RERE: variants seen among roughly 807,000 people sequenced by gnomAD.
RERE encodes arginine-glutamic acid dipeptide repeats.
Under a neutral mutation model 146.1 loss-of-function variants are expected in RERE, and 40 were observed. The observed-to-expected ratio is 0.27, with a 90% CI of 0.21 to 0.36. The LOEUF is 0.36. Among genes scored for constraint, RERE ranks in the 10% least tolerant of loss-of-function variants. The pLI is 1.00. For synonymous variants in RERE, 1,003 were observed against 866.0 expected (o/e 1.16, Z -2.78); for missense variants, 1,933 against 2,138.7 (o/e 0.90, Z 1.90).
Position 8,530,384 on chromosome 1 carries a change from T to A in RERE, c.830+10830A>T, listed in dbSNP as rs531199887. Reference sequence around the variant, plus strand: ...ATTATGTACCTCTATCAAAGGTAAGTAAAAGCTGTAACATGAAAATTGCCT... The same window carrying A: ...ATTATGTACCTCTATCAAAGGTAAGAAAAAGCTGTAACATGAAAATTGCCT... On this transcript the variant is annotated intron_variant, in intron 7 of 22. Transcript: ENST00000400908. 2.0e-5 allele frequency among the ~76,000 whole-genome samples: 3 copies of A among 152,294 alleles called. No individual in the cohort carries two copies. The East Asian group carries it at 5.8e-4, about 29-fold the overall frequency.
rs548047132 is a variant in RERE, at chr1:8,546,091, G to A, written c.726-4773C>T. 4.2e-5 allele frequency among the ~76,000 whole-genome samples: 6 copies of A among 141,540 alleles called. No individual in the cohort carries two copies. In the East Asian group the frequency reaches 6.7e-4, roughly 16 times the overall value. 92.9% of individuals were successfully genotyped at this position (141,540 alleles called of 152,430 possible). On this transcript the variant is annotated intron_variant, in intron 6 of 22. Transcript: ENST00000400908. Reference sequence around the variant, plus strand: ...TGAAGACTCAACTTCCCAGGCTCACGTGATTCTTCCAGCTCAGCCTTCCCG... The same window carrying A: ...TGAAGACTCAACTTCCCAGGCTCACATGATTCTTCCAGCTCAGCCTTCCCG...
chr1:8,405,187 T>A (rs1301190933), intron 12 of RERE, among the ~76,000 whole-genome samples: 1 of 152,072 alleles, frequency 6.6e-6, no homozygotes. Context: ...GCCAATATAA[T>A]CTCTCAGGAG....
chr1:8,683,077 T>G (rs1639009507), intron 1 of RERE, among the ~76,000 whole-genome samples: 1 of 146,632 alleles, frequency 6.8e-6, no homozygotes, highest in Non-Finnish European at 1.5e-5. Context: ...AAAAATTCTA[T>G]TAGTATAATC....
intron 1 of RERE, among the ~76,000 whole-genome samples, chr1:8,771,872 T>G (rs1422109056): frequency 7.5e-6 from 1 of 132,906 alleles, no homozygotes; most frequent in Non-Finnish European, 1.5e-5. Flanking sequence ...ATCACGCCAC[T>G]GCACTCCAGC....
At chr1:8,628,562 A>G (rs1259748804) in intron 2 of RERE, among the ~76,000 whole-genome samples, 1 of 152,218 alleles carries the variant, frequency 6.6e-6, no homozygotes, top group African/African-American at 2.4e-5. Context: ...TCACAGAAAA[A>G]AATTCTACTT....
At chr1:8,706,370 G>T (rs570659182) in intron 1 of RERE, among the ~76,000 whole-genome samples, 43 of 152,086 alleles carry the variant, frequency 2.8e-4, no homozygotes, top group Non-Finnish European at 5.7e-4. Flanking sequence ...TGTGCCTGGG[G>T]TTACTCAAAA....
chr1:8,530,679 C>CTTTTTTTTTTTTTT lies in RERE; in HGVS notation c.830+10521_830+10534dup, dbSNP rs1197212764. ...AGACATGGAACTGAGTTTTCGTTTT[C>CTTTTTTTTTTTTTT]TTTTTTTTTTTTTTTTTTTTTTTGA... is the stretch of plus-strand genomic sequence containing the variant. On this transcript the variant is annotated intron_variant, in intron 7 of 22. Coordinates refer to ENST00000400908, the MANE Select transcript of RERE (RefSeq NM_001042681.2). 5.2e-5 allele frequency among the ~76,000 whole-genome samples: 5 copies of CTTTTTTTTTTTTTT among 96,948 alleles called. 1 individual carries two copies. Among genetic ancestry groups the CTTTTTTTTTTTTTT allele is most frequent in the African/African-American group, 2.0e-4 (5 of 24,800 alleles). 63.6% of individuals were successfully genotyped at this position (96,948 alleles called of 152,430 possible).
At chr1:8,358,942 G>A (rs1641432731) in intron 19 of RERE, 26 bp from the exon 20 acceptor site, 24 of 1,505,584 alleles carry the variant, frequency 1.6e-5, no homozygotes, top group South Asian at 2.6e-5. Flanking sequence ...AAAGCGTGAG[G>A]GGTCCCCCGA....
intron 4 of RERE, among the ~76,000 whole-genome samples, chr1:8,559,951 T>C (rs886553847): frequency 1.3e-5 from 2 of 152,066 alleles, no homozygotes; most frequent in Non-Finnish European, 2.9e-5. Flanking sequence ...CAAAATATGC[T>C]CTCTGGCACA....
intron 12 of RERE, among the ~76,000 whole-genome samples, chr1:8,379,751 C>T (rs146672539): frequency 1.3e-5 from 2 of 152,316 alleles, no homozygotes; most frequent in Non-Finnish European, 2.9e-5. Context: ...CCGCTCCCTA[C>T]TCCAAAGGGA....
At chr1:8,434,187 G>A (rs577282593) in intron 11 of RERE, among the ~76,000 whole-genome samples, 64 of 152,058 alleles carry the variant, frequency 4.2e-4, no homozygotes, top group Non-Finnish European at 5.7e-4. Context: ...TGACTGAAGC[G>A]CCAGGTCTTT....
chr1:8,763,270 A>C (rs796676348), intron 1 of RERE, among the ~76,000 whole-genome samples: 1 of 152,194 alleles, frequency 6.6e-6, no homozygotes, highest in Non-Finnish European at 1.5e-5. Flanking sequence ...AAAATAAGTA[A>C]GAGGTACTTC....
intron 12 of RERE, among the ~76,000 whole-genome samples, chr1:8,378,009 G>T (rs1381967539): frequency 6.6e-6 from 1 of 152,142 alleles, no homozygotes; most frequent in East Asian, 1.9e-4. Context: ...ATATTTTATG[G>T]TTTTTATGGA....
rs114038062 is a variant in RERE at position 8,788,861 on chromosome 1, G to A, written c.-145+28299C>T. Reference sequence around the variant, plus strand: ...CAAAGCCACTGACAAGTACAGGTGGGATTACAGTGAGGCATAAGAGATGGC... The same window carrying A: ...CAAAGCCACTGACAAGTACAGGTGGAATTACAGTGAGGCATAAGAGATGGC... On this transcript the variant is annotated intron_variant, in intron 1 of 22. Transcript: ENST00000400908. Among the ~76,000 whole-genome samples, 325 of 151,716 alleles carry A rather than the reference G, an allele frequency of 2.1e-3. 1 individual carries two copies. The highest frequency in any genetic ancestry group is 7.6e-3 in the African/African-American group (316 of 41,344).
chr1:8,721,748 T>C (rs1639867511), intron 1 of RERE, among the ~76,000 whole-genome samples: 1 of 152,196 alleles, frequency 6.6e-6, no homozygotes, highest in East Asian at 1.9e-4. Flanking sequence ...TTAATTACTA[T>C]CTGGCAAAAA....
intron 4 of RERE, among the ~76,000 whole-genome samples, chr1:8,575,552 TATATA>T (rs1471580392): frequency 0.048 from 3,668 of 77,210 alleles, 84 homozygotes; most frequent in Non-Finnish European, 0.066. Context: ...TATATATATA[TATATA>T]TATATTTTTT....
At chr1:8,741,913 C>T (rs1640317754) in intron 1 of RERE, among the ~76,000 whole-genome samples, 1 of 152,112 alleles carries the variant, frequency 6.6e-6, no homozygotes, top group African/African-American at 2.4e-5. Context: ...GAGACAATGC[C>T]TTTGTCTCAT....
chr1:8,736,787 A>G (rs1462265340), intron 1 of RERE, among the ~76,000 whole-genome samples: 1 of 151,298 alleles, frequency 6.6e-6, no homozygotes, highest in Non-Finnish European at 1.5e-5. Flanking sequence ...TTTTAGGCAA[A>G]CACTTGGTCT....
rs576711501 is a variant in RERE at position 8,360,883 on chromosome 1, G to A, written c.2624C>T (p.Pro875Leu). The change falls in exon 18 of 23, where the codon CCT (proline) becomes CTT (leucine). Residue 875 changes from proline (P) to leucine (L), a missense_variant. Pro to Leu is a moderately conservative substitution (Grantham distance 98, BLOSUM62 -3). Around this residue, in one of 11 missense-constraint regions of RERE, gnomAD observed 1,255 missense variants for 1,153.8 expected, o/e 1.09. Coordinates refer to ENST00000400908, the MANE Select transcript of RERE (RefSeq NM_001042681.2). ...GGCCTGGCCTTGGGAGGCCTGGGGA[G>A]GGAGGCCAAAGGGCTGTGGGGGGCC... ...HPGPPQPFGLPPQASQGQAPL... is the reference protein window; with the variant it reads ...HPGPPQPFGLLPQASQGQAPL... The A allele has an allele frequency of 3.9e-6, 6 of 1,519,966 alleles. No homozygotes were observed. In the Admixed American group the frequency reaches 8.2e-5, roughly 21 times the overall value. 94.2% of individuals were successfully genotyped at this position (1,519,966 alleles called of 1,614,324 possible).
Sources: gnomAD v4.1 joint callset for allele counts (sites outside exome capture counted in the v4.1 genomes callset) on GRCh38, gnomAD v4.1.1 for gene constraint, gnomAD v4.1.1 regional missense constraint, MANE v1.5 for transcripts, NCBI Gene and HGNC (gene_info 2026-07-23, HGNC 2026-07-21) for gene names.